Variants in PHKB observed in about 807,000 individuals in gnomAD.
PHKB encodes phosphorylase b kinase regulatory subunit beta.
Under a neutral mutation model 152.1 loss-of-function variants are expected in PHKB, and 122 were observed. The observed-to-expected ratio is 0.80, with a 90% confidence interval of 0.69 to 0.93. The LOEUF (loss-of-function observed/expected upper bound fraction) is 0.93, where lower values mean the gene tolerates loss of function less well. Ranked by LOEUF, PHKB falls within the 40% of genes least tolerant of loss-of-function variation. The pLI is 0.00. For synonymous variants in PHKB, 436 were observed against 464.9 expected (o/e 0.94, Z 0.80); for missense variants, 1,304 against 1,328.4 (o/e 0.98, Z 0.29).
At chr16:47,678,418 C>T (rs1229249823) in intron 26 of PHKB, among the ~76,000 whole-genome samples, 3 of 152,174 alleles carry the variant, frequency 2.0e-5, no homozygotes, top group Non-Finnish European at 4.4e-5. Context: ...TCTCCACATC[C>T]TCTCCAGCAC....
At chr16:47,481,987 G>C (rs1969971682) in intron 1 of PHKB, among the ~76,000 whole-genome samples, 1 of 152,224 alleles carries the variant, frequency 6.6e-6, no homozygotes, top group South Asian at 2.1e-4. Context: ...TTGATACTCT[G>C]AGGGCTGGGG....
chr16:47,644,490 A>G (rs920454085), intron 16 of PHKB, among the ~76,000 whole-genome samples: 4 of 152,216 alleles, frequency 2.6e-5, no homozygotes, highest in Non-Finnish European at 1.5e-5. Flanking sequence ...TGTGTGCACT[A>G]TGTCAGTGAA....
chr16:47,573,275 A>C (rs761068825), intron 7 of PHKB, among the ~76,000 whole-genome samples: 1 of 152,138 alleles, frequency 6.6e-6, no homozygotes, highest in Non-Finnish European at 1.5e-5. Flanking sequence ...GGGCAGGGTC[A>C]TGGAACTCCC....
chr16:47,670,018 G>A (rs143163152), intron 26 of PHKB, among the ~76,000 whole-genome samples: 3 of 152,322 alleles, frequency 2.0e-5, no homozygotes, highest in African/African-American at 7.2e-5. Context: ...TGCCATTGTT[G>A]TCTCAGTAAC....
intron 26 of PHKB, among the ~76,000 whole-genome samples, chr16:47,682,829 G>A (rs1466193334): frequency 6.6e-6 from 1 of 152,208 alleles, no homozygotes; most frequent in Non-Finnish European, 1.5e-5. Flanking sequence ...TTTGGAGGAG[G>A]AGAGGTGCTC....
At chr16:47,596,313 C>T in intron 12 of PHKB, 60 bp from the exon 13 acceptor site, 3 of 1,166,016 alleles carry the variant, frequency 2.6e-6, no homozygotes, top group Admixed American at 1.8e-5. Context: ...TTATTAGTAG[C>T]ATGAGAATGG....
intron 6 of PHKB, among the ~76,000 whole-genome samples, chr16:47,527,046 C>A (rs557973347): frequency 6.6e-6 from 1 of 152,146 alleles, no homozygotes; most frequent in East Asian, 1.9e-4. Context: ...CTCATGAGAA[C>A]TCACCCACTA....
chr16:47,515,707 G>A, intron 6 of PHKB, 106 bp downstream of exon 6: 2 of 688,202 alleles, frequency 2.9e-6, no homozygotes, highest in Admixed American at 2.1e-5. Flanking sequence ...ATGTATTCCT[G>A]TTACATTTAT....
chr16:47,695,723 C>G (rs1336429767), intron 28 of PHKB, among the ~76,000 whole-genome samples: 1 of 152,176 alleles, frequency 6.6e-6, no homozygotes, highest in Non-Finnish European at 1.5e-5. Context: ...CAGAGCCTTC[C>G]CTTCCATCCT....
intron 7 of PHKB, among the ~76,000 whole-genome samples, chr16:47,557,980 A>T (rs1316964002): frequency 2.0e-5 from 3 of 152,108 alleles, no homozygotes; most frequent in Middle Eastern, 3.4e-3. Context: ...ACTTGGAACC[A>T]ACCCAAATGT....
chr16:47,623,237 GT>G lies in PHKB; in HGVS notation c.1458+12323del, dbSNP rs1303440006. 9.9e-5 allele frequency among the ~76,000 whole-genome samples: 15 copies of G among 152,068 alleles called. No homozygotes were observed. In the East Asian group the frequency reaches 1.9e-3, roughly 20 times the overall value. ...TGCAAGCTAAATAAATATTATTGCT[GT>G]TTTTTATTTCAATAATTTATTATAT... On this transcript the variant is annotated intron_variant, in intron 14 of 30. Coordinates refer to ENST00000323584, the MANE Select transcript of PHKB (RefSeq NM_000293.3).
chr16:47,609,424 C>G (rs1446923839), intron 13 of PHKB, among the ~76,000 whole-genome samples: 1 of 118,102 alleles, frequency 8.5e-6, no homozygotes, highest in Non-Finnish European at 1.6e-5. Flanking sequence ...GGGAGGTGTT[C>G]CCTCTTTTTT....
chr16:47,540,553 G>A (rs1341344694), intron 6 of PHKB, among the ~76,000 whole-genome samples: 1 of 151,940 alleles, frequency 6.6e-6, no homozygotes, highest in Non-Finnish European at 1.5e-5. Context: ...ACCGATATGT[G>A]ATGTCACCCC....
chr16:47,624,605 C>T (rs1385767473), intron 14 of PHKB, among the ~76,000 whole-genome samples: 1 of 152,128 alleles, frequency 6.6e-6, no homozygotes, highest in African/African-American at 2.4e-5. Flanking sequence ...AGCTTTTTTC[C>T]CTCTACCTTT....
chr16:47,604,011 G>A (rs73551227), intron 13 of PHKB, among the ~76,000 whole-genome samples: 6 of 152,268 alleles, frequency 3.9e-5, no homozygotes, highest in African/African-American at 1.4e-4. Flanking sequence ...CAGGGTGCTT[G>A]TGTCACCTGT....
At chr16:47,597,399 A>G (rs1007361979) in intron 13 of PHKB, among the ~76,000 whole-genome samples, 5 of 152,172 alleles carry the variant, frequency 3.3e-5, no homozygotes, top group African/African-American at 1.2e-4. Flanking sequence ...ACAGATTTCC[A>G]ATTTGAGCTT....
At chr16:47,577,095 C>T (rs1462250937) in intron 7 of PHKB, among the ~76,000 whole-genome samples, 1 of 151,498 alleles carries the variant, frequency 6.6e-6, no homozygotes, top group Non-Finnish European at 1.5e-5. Flanking sequence ...TTTCATCTTT[C>T]TGTTTTATTT....
At chr16:47,687,830 A>G (rs1973991417) in intron 26 of PHKB, among the ~76,000 whole-genome samples, 1 of 152,182 alleles carries the variant, frequency 6.6e-6, no homozygotes, top group South Asian at 2.1e-4. Flanking sequence ...ACTGTCATAG[A>G]GCTTGATACA....
chr16:47,544,617 A>T (rs941305993), intron 6 of PHKB, among the ~76,000 whole-genome samples: 3 of 152,166 alleles, frequency 2.0e-5, no homozygotes, highest in Non-Finnish European at 2.9e-5. Context: ...ATTGTTCCAG[A>T]GCTGAGTTCA....
Sources: allele counts gnomAD v4.1 joint callset (sites outside exome capture counted in the v4.1 genomes callset), GRCh38; gene constraint gnomAD v4.1.1; transcripts MANE v1.5; gene names NCBI Gene and HGNC (gene_info 2026-07-23, HGNC 2026-07-21).